The following TMEM132D variants were observed in gnomAD, a reference collection of about 807,000 sequenced individuals.
The protein encoded by TMEM132D is mature OL transmembrane protein.
Under a neutral mutation model 62.3 loss-of-function variants are expected in TMEM132D, and 21 were observed. The ratio of observed to expected loss-of-function variants is 0.34; its 90% CI spans 0.24 to 0.49. TMEM132D has a LOEUF of 0.49. Ranked by LOEUF, TMEM132D falls within the 20% of genes least tolerant of loss-of-function variation. The pLI is 0.99. For missense variants in TMEM132D, 1,346 were observed against 1,402.8 expected (o/e 0.96, Z 0.65); for synonymous variants, 621 against 575.6 (o/e 1.08, Z -1.13).
In TMEM132D at chr12:129,422,209, C is replaced by G. The variant is rs77931072; in HGVS notation, c.1116-84392G>C. Among the ~76,000 whole-genome samples the G allele has an allele frequency of 3.5e-3, 532 of 151,218 alleles. 6 individuals are homozygous for G. Among genetic ancestry groups the G allele is most frequent in the South Asian group, 0.019 (93 of 4,794 alleles). On this transcript the variant is annotated intron_variant, in intron 3 of 8. Coordinates refer to ENST00000422113, the MANE Select transcript of TMEM132D (RefSeq NM_133448.3). Reference sequence around the variant, plus strand: ...TTGACGAAACATTCTAAGCAAGAGACAAAAAAAGAATATCTATACAATTTT... The same window carrying G: ...TTGACGAAACATTCTAAGCAAGAGAGAAAAAAAGAATATCTATACAATTTT...
chr12:129,638,943 A>C (rs1204117422), intron 2 of TMEM132D, among the ~76,000 whole-genome samples: 1 of 152,200 alleles, frequency 6.6e-6, no homozygotes, highest in Non-Finnish European at 1.5e-5. Flanking sequence ...GGGAGTTTCA[A>C]ATGAAAAAAA....
chr12:129,522,950 T>TTATATA (rs10649673), intron 3 of TMEM132D, among the ~76,000 whole-genome samples: 2 of 149,488 alleles, frequency 1.3e-5, no homozygotes, highest in Admixed American at 1.3e-4. Context: ...TAGACATAGA[T>TTATATA]TATATATATA....
chr12:129,621,997 G>A (rs917885997), intron 2 of TMEM132D, among the ~76,000 whole-genome samples: 5 of 152,196 alleles, frequency 3.3e-5, no homozygotes, highest in Non-Finnish European at 7.3e-5. Context: ...AGAGAAGGTT[G>A]TGCTCCTCTC....
intron 1 of TMEM132D, among the ~76,000 whole-genome samples, chr12:129,706,472 C>T (rs1881509073): frequency 6.6e-6 from 1 of 151,934 alleles, no homozygotes; most frequent in Admixed American, 6.6e-5. Context: ...CAAGTATATA[C>T]AGCCCCCAAA....
chr12:129,828,780 A>AAAGGAGGGAGGGAGGGAGGGAGGAAGAG (rs1566000235), intron 1 of TMEM132D, among the ~76,000 whole-genome samples: 1 of 31,458 alleles, frequency 3.2e-5, no homozygotes, highest in Admixed American at 3.4e-4. Context: ...GGGAGGAAGA[A>AAAGGAGGGAGGGAGGGAGGGAGGAAGAG]AAGGAGGGAG....
intron 4 of TMEM132D, among the ~76,000 whole-genome samples, chr12:129,221,090 C>A (rs974983035): frequency 6.6e-6 from 1 of 152,146 alleles, no homozygotes; most frequent in African/African-American, 2.4e-5. Flanking sequence ...CAGAAGAGAC[C>A]TGTGAACACT....
At chr12:129,271,435 C>T (rs953768326) in intron 4 of TMEM132D, among the ~76,000 whole-genome samples, 5 of 151,538 alleles carry the variant, frequency 3.3e-5, no homozygotes, top group Admixed American at 1.3e-4. Context: ...GACACATGTG[C>T]AGAACATGCA....
chr12:129,768,190 A>G (rs2100325), intron 1 of TMEM132D, among the ~76,000 whole-genome samples: 144,140 of 152,244 alleles, frequency 0.95, 68,513 homozygotes, highest in Non-Finnish European at 1. Flanking sequence ...AGGTGCACAA[A>G]TTTCTCTTTG....
intron 4 of TMEM132D, among the ~76,000 whole-genome samples, chr12:129,301,733 C>A (rs1267380854): frequency 6.6e-6 from 1 of 152,240 alleles, no homozygotes; most frequent in Non-Finnish European, 1.5e-5. Context: ...CTCCCCAAGT[C>A]TGGTGGGTGG....
chr12:129,832,632 T>A (rs148220978), intron 1 of TMEM132D, among the ~76,000 whole-genome samples: 8 of 152,244 alleles, frequency 5.3e-5, no homozygotes, highest in Middle Eastern at 3.4e-3. Flanking sequence ...CATGGCCACC[T>A]CTGCCTCCTC....
intron 3 of TMEM132D, among the ~76,000 whole-genome samples, chr12:129,513,497 GT>G (rs1875555253): frequency 6.6e-6 from 1 of 152,016 alleles, no homozygotes; most frequent in African/African-American, 2.4e-5. Context: ...TTGTTTGTTT[GT>G]TTTTGAGACA....
intron 1 of TMEM132D, among the ~76,000 whole-genome samples, chr12:129,721,290 T>G (rs1868818552): frequency 1.3e-5 from 2 of 152,156 alleles, no homozygotes; most frequent in African/African-American, 4.8e-5. Context: ...CGTCCAGGAC[T>G]GCCTGTCCAC....
intron 2 of TMEM132D, among the ~76,000 whole-genome samples, chr12:129,602,652 A>G (rs961356911): frequency 4.6e-5 from 7 of 152,144 alleles, no homozygotes; most frequent in Non-Finnish European, 8.8e-5. Context: ...TTATAAGTTC[A>G]CAGCAAAATT....
chr12:129,177,349 AG>A (rs1239986906), intron 5 of TMEM132D, among the ~76,000 whole-genome samples: 8 of 152,238 alleles, frequency 5.3e-5, no homozygotes, highest in Non-Finnish European at 1.2e-4. Flanking sequence ...TACAGAGGGC[AG>A]GGAGACAATA....
chr12:129,770,902 T>C (rs1870727573), intron 1 of TMEM132D, among the ~76,000 whole-genome samples: 1 of 152,228 alleles, frequency 6.6e-6, no homozygotes, highest in African/African-American at 2.4e-5. Context: ...AAAGAAACTT[T>C]AAGTCAAACC....
rs1875450334 is a variant in TMEM132D, at chr12:129,903,665, G to A, written c.-326C>T. 1 of 199,572 alleles carries A rather than the reference G, an allele frequency of 5.0e-6. No homozygotes were observed. Among genetic ancestry groups the A allele is most frequent in the Admixed American group, 6.0e-5 (1 of 16,792 alleles). 12.4% of individuals were successfully genotyped at this position (199,572 alleles called of 1,614,324 possible). ...TTTCCTGTTTACCCGAGCGAAGAGT[G>A]GCCCCCGGTGGCCCAAGGAGGGGCG... On this transcript the variant is annotated 5_prime_UTR_variant, in exon 1 of 9. Coordinates refer to ENST00000422113, the MANE Select transcript of TMEM132D (RefSeq NM_133448.3). The surrounding 1 kb of genome is among the most constrained non-coding windows in gnomAD (Gnocchi z 6.2).
intron 3 of TMEM132D, among the ~76,000 whole-genome samples, chr12:129,400,930 T>C (rs185140802): frequency 6.6e-6 from 1 of 152,286 alleles, no homozygotes; most frequent in East Asian, 1.9e-4. Context: ...GGTGTGATTT[T>C]GCAAAGGTGA....
intron 5 of TMEM132D, among the ~76,000 whole-genome samples, chr12:129,092,311 T>TTC (rs1874951658): frequency 6.6e-6 from 1 of 151,648 alleles, no homozygotes; most frequent in Non-Finnish European, 1.5e-5. Flanking sequence ...TCCTTTTTTT[T>TTC]TTTTTTTTGT....
intron 4 of TMEM132D, among the ~76,000 whole-genome samples, chr12:129,241,656 G>GT (rs1213473362): frequency 1.3e-5 from 2 of 151,902 alleles, no homozygotes; most frequent in African/African-American, 4.8e-5. Flanking sequence ...AGTTCTTCTG[G>GT]TTTTATATCT....
Sources: allele counts gnomAD v4.1 joint callset (sites outside exome capture counted in the v4.1 genomes callset), GRCh38; gene constraint gnomAD v4.1.1; non-coding constraint Gnocchi (gnomAD v3.1); transcripts MANE v1.5; gene names NCBI Gene and HGNC (gene_info 2026-07-23, HGNC 2026-07-21).